The following KAZN variants were observed in gnomAD, a reference collection of about 807,000 sequenced individuals.
The protein encoded by KAZN is kazrin, periplakin interacting protein.
KAZN carries 40 observed loss-of-function variants against 87.4 expected under a neutral mutation model. That is an observed-to-expected ratio of 0.46 (90% CI 0.36 to 0.60). KAZN has a LOEUF of 0.60. Ranked by LOEUF, KAZN falls within the 20% of genes least tolerant of loss-of-function variation. The pLI, the probability that KAZN is intolerant of heterozygous loss-of-function variation, is 0.00. For missense variants in KAZN, 898 were observed against 1,073.9 expected (o/e 0.84, Z 2.29); for synonymous variants, 466 against 458.3 (o/e 1.02, Z -0.22).
intron 2 of KAZN, among the ~76,000 whole-genome samples, chr1:14,415,117 G>GT (rs1664643094): frequency 6.6e-6 from 1 of 152,168 alleles, no homozygotes; most frequent in South Asian, 2.1e-4. Context: ...TATTAAGCAA[G>GT]TAAGTAAAGC....
chr1:14,311,107 A>C (rs1481592660), intron 2 of KAZN, among the ~76,000 whole-genome samples: 1 of 152,182 alleles, frequency 6.6e-6, no homozygotes, highest in African/African-American at 2.4e-5. Context: ...ATTCAAGAGG[A>C]GATGCTGCTG....
intron 1 of KAZN, among the ~76,000 whole-genome samples, chr1:13,973,104 C>G (rs1463452435): frequency 1.3e-5 from 2 of 152,014 alleles, no homozygotes; most frequent in Non-Finnish European, 2.9e-5. Flanking sequence ...TTCCTCCTCC[C>G]CTTCATCTTC....
chr1:14,020,654 A>G (rs1360792163), intron 1 of KAZN, among the ~76,000 whole-genome samples: 1 of 152,238 alleles, frequency 6.6e-6, no homozygotes, highest in African/African-American at 2.4e-5. Context: ...CGATCTGGGA[A>G]AGACAAGATA....
chr1:14,514,588 T>TTATA (rs1671183892), intron 2 of KAZN, among the ~76,000 whole-genome samples: 1 of 59,374 alleles, frequency 1.7e-5, no homozygotes, highest in African/African-American at 6.2e-5. Context: ...ATATATTTTT[T>TTATA]TATATTTTAT....
chr1:13,990,319 T>C (rs1169622152), intron 1 of KAZN, among the ~76,000 whole-genome samples: 1 of 152,176 alleles, frequency 6.6e-6, no homozygotes, highest in Admixed American at 6.5e-5. Flanking sequence ...GTGATATATT[T>C]ATACGAAGGA....
intron 1 of KAZN, among the ~76,000 whole-genome samples, chr1:14,011,490 G>A (rs780724947): frequency 6.6e-6 from 1 of 152,118 alleles, no homozygotes; most frequent in Non-Finnish European, 1.5e-5. Flanking sequence ...GGAAATCATT[G>A]GTCCCATCGT....
chr1:13,961,295 A>G (rs1238758897), intron 1 of KAZN, among the ~76,000 whole-genome samples: 1 of 152,216 alleles, frequency 6.6e-6, no homozygotes, highest in East Asian at 1.9e-4. Context: ...GAACAGACAG[A>G]CAGACACACG....
chr1:14,529,258 C>T (rs1672083039), intron 2 of KAZN, among the ~76,000 whole-genome samples: 1 of 152,148 alleles, frequency 6.6e-6, no homozygotes, highest in African/African-American at 2.4e-5. Context: ...GAGCTGAGAT[C>T]GCGCCATTGC....
intron 6 of KAZN, 61 bp downstream of exon 6, chr1:15,060,363 G>A (rs1229577271): frequency 1.7e-5 from 27 of 1,603,318 alleles, no homozygotes; most frequent in Non-Finnish European, 2.0e-5. Context: ...GCAGGGGCGG[G>A]GGTGGCGGGG....
chr1:14,554,251 T>C (rs772248644), intron 2 of KAZN, among the ~76,000 whole-genome samples: 14 of 148,360 alleles, frequency 9.4e-5, no homozygotes, highest in Non-Finnish European at 2.1e-4. Context: ...CTTCAGCTAG[T>C]ACCGTCTCCA....
chr1:14,620,642 T>A (rs1273433162), intron 1 of KAZN, among the ~76,000 whole-genome samples: 2 of 152,162 alleles, frequency 1.3e-5, no homozygotes, highest in Admixed American at 1.3e-4. Context: ...GTTTGTAGGG[T>A]GGCAGAGCCA....
chr1:15,074,502 A>AG (rs954968511), intron 8 of KAZN, among the ~76,000 whole-genome samples: 1 of 152,130 alleles, frequency 6.6e-6, no homozygotes, highest in African/African-American at 2.4e-5. Context: ...CCTATCAGTG[A>AG]GGGGCAGTAT....
chr1:14,298,963 G>A (rs944610291), intron 2 of KAZN, among the ~76,000 whole-genome samples: 1 of 152,214 alleles, frequency 6.6e-6, no homozygotes, highest in Non-Finnish European at 1.5e-5. Context: ...AGGACAATGA[G>A]CATACGTAAA....
At chr1:14,181,489 AT>A (rs1487963575) in intron 2 of KAZN, among the ~76,000 whole-genome samples, 1 of 152,164 alleles carries the variant, frequency 6.6e-6, no homozygotes. Context: ...TATTTTTAAA[AT>A]CAATCCCGAA....
chr1:14,135,988 A>G (rs910646161), intron 1 of KAZN, among the ~76,000 whole-genome samples: 1 of 152,222 alleles, frequency 6.6e-6, no homozygotes, highest in African/African-American at 2.4e-5. Flanking sequence ...TTCATGGAAC[A>G]ATAATTGGCA....
At chr1:14,254,437 A>T (rs1650323264) in intron 2 of KAZN, among the ~76,000 whole-genome samples, 1 of 152,208 alleles carries the variant, frequency 6.6e-6, no homozygotes, top group African/African-American at 2.4e-5. Flanking sequence ...TTTTGTTGGT[A>T]ACTCAAGCCA....
rs71272488 is a variant in KAZN, at chr1:13,981,093, A to ATATATATATATATATATATATG, written c.91+87354_91+87355insATATGTATATATATATATATAT. On this transcript the variant is annotated intron_variant, in intron 1 of 16. Transcript: ENST00000636203. ...AGAGGTATAAAAAATTACTCTTTAT[A>ATATATATATATATATATATATG]TATATATATATATATATGTATATAT... Among the ~76,000 whole-genome samples the ATATATATATATATATATATATG allele has an allele frequency of 1.8e-3, 141 of 78,148 alleles. 6 individuals are homozygous for ATATATATATATATATATATATG. The highest frequency in any genetic ancestry group is 0.017 in the Middle Eastern group (2 of 116). 51.3% of individuals were successfully genotyped at this position (78,148 alleles called of 152,430 possible). A position where few individuals can be genotyped will look rare whatever the true frequency, so the allele number is the denominator to read the frequency against.
At chr1:15,036,046 G>T (rs926121494) in intron 3 of KAZN, among the ~76,000 whole-genome samples, 2 of 152,016 alleles carry the variant, frequency 1.3e-5, no homozygotes, top group South Asian at 2.1e-4. Flanking sequence ...GGTCTTCACC[G>T]CTGATTCCTC....
intron 2 of KAZN, among the ~76,000 whole-genome samples, chr1:14,549,883 C>G (rs4074529): frequency 0.49 from 73,925 of 151,982 alleles, 18,279 homozygotes; most frequent in South Asian, 0.65. Flanking sequence ...CTGGTTTTCT[C>G]TTTCTTTATT....
Sources: gnomAD v4.1 joint callset for allele counts (sites outside exome capture counted in the v4.1 genomes callset) on GRCh38, gnomAD v4.1.1 for gene constraint, MANE v1.5 for transcripts, NCBI Gene and HGNC (gene_info 2026-07-23, HGNC 2026-07-21) for gene names.